The following NHERF1 variants were observed in gnomAD, a reference collection of about 807,000 sequenced individuals.
NHERF1 encodes NHERF family PDZ scaffold protein 1, also known as Na(+)/H(+) exchange regulatory cofactor NHE-RF1.
the NHERF1 span, among the ~76,000 whole-genome samples, chr17:74,750,073 G>A: frequency 4.0e-4 from 61 of 152,328 alleles, no homozygotes; most frequent in African/African-American, 1.4e-3. Context: ...CCATGGGGAG[G>A]AGAGAGAGCT....
At chr17:74,768,097 A>AC in the NHERF1 span, 1 of 1,252,944 alleles carries the variant, frequency 8.0e-7, no homozygotes, top group Non-Finnish European at 1.2e-6. Context: ...CCTCCTCAGG[A>AC]CCCCCTCACC....
chr17:74,754,018 G>T, the NHERF1 span, among the ~76,000 whole-genome samples: 1 of 152,054 alleles, frequency 6.6e-6, no homozygotes, highest in East Asian at 1.9e-4. Context: ...ACAAAAATTA[G>T]CGAGGCGTGG....
the NHERF1 span, among the ~76,000 whole-genome samples, chr17:74,764,963 G>A: frequency 1.6e-4 from 24 of 152,188 alleles, no homozygotes; most frequent in Non-Finnish European, 3.1e-4. The surrounding 1 kb of genome is among the most constrained non-coding windows in gnomAD (Gnocchi z 4.9). Flanking sequence ...ATCTCTGGCT[G>A]TGTCCTGGAC....
the NHERF1 span, among the ~76,000 whole-genome samples, chr17:74,749,680 G>A: frequency 6.6e-6 from 1 of 152,162 alleles, no homozygotes; most frequent in Non-Finnish European, 1.5e-5. The surrounding 1 kb of genome is among the most constrained non-coding windows in gnomAD (Gnocchi z 5.6). Context: ...GTCCGCAGAT[G>A]GGCCGGGGAG....
chr17:74,762,194 C>G, the NHERF1 span: 1 of 1,613,112 alleles, frequency 6.2e-7, no homozygotes, highest in Non-Finnish European at 8.5e-7. This position sits in a 1 kb window ranked among gnomAD's most constrained non-coding sequence, Gnocchi z 4.2. Context: ...TCGCTCTCTT[C>G]CTATCTGACT....
chr17:74,769,109 ATTTGATT>A, the NHERF1 span: 1 of 177,656 alleles, frequency 5.6e-6, no homozygotes, highest in Non-Finnish European at 1.2e-5. Flanking sequence ...TCTTGTTTTC[ATTTGATT>A]TTTGTTAAGA....
chr17:74,761,856 T>G, the NHERF1 span: 5 of 722,176 alleles, frequency 6.9e-6, no homozygotes, highest in Non-Finnish European at 1.2e-5. This position sits in a 1 kb window ranked among gnomAD's most constrained non-coding sequence, Gnocchi z 4.3. Flanking sequence ...TTTTGAGTCC[T>G]GGGCCAGAAC....
the NHERF1 span, among the ~76,000 whole-genome samples, chr17:74,749,530 G>A: frequency 6.6e-6 from 1 of 152,220 alleles, no homozygotes; most frequent in African/African-American, 2.4e-5. The surrounding 1 kb of genome is among the most constrained non-coding windows in gnomAD (Gnocchi z 5.6). Context: ...TTTGCCGCCT[G>A]CACCTCTTGT....
the NHERF1 span, among the ~76,000 whole-genome samples, chr17:74,760,794 G>A: frequency 3.9e-5 from 6 of 152,222 alleles, no homozygotes; most frequent in East Asian, 1.9e-4. The surrounding 1 kb of genome is among the most constrained non-coding windows in gnomAD (Gnocchi z 4.5). Flanking sequence ...CTGGGCCTCA[G>A]CAACCCTGGG....
the NHERF1 span, among the ~76,000 whole-genome samples, chr17:74,761,372 C>T: frequency 8.5e-3 from 1,298 of 152,320 alleles, 11 homozygotes; most frequent in African/African-American, 0.029. This position sits in a 1 kb window ranked among gnomAD's most constrained non-coding sequence, Gnocchi z 4.3. Context: ...TCCAGGTCCC[C>T]TTGCTGTGCT....
At chr17:74,765,978 A>G in the NHERF1 span, among the ~76,000 whole-genome samples, 1 of 152,126 alleles carries the variant, frequency 6.6e-6, no homozygotes, top group East Asian at 1.9e-4. Context: ...ACTAAACCAG[A>G]ATCTGTGCTG....
At chr17:74,752,357 C>G in the NHERF1 span, among the ~76,000 whole-genome samples, 1 of 151,954 alleles carries the variant, frequency 6.6e-6, no homozygotes, top group Admixed American at 6.5e-5. Context: ...CACTGCCTCC[C>G]TACCCCCAAA....
the NHERF1 span, chr17:74,763,398 A>T: frequency 6.2e-7 from 1 of 1,614,142 alleles, no homozygotes; most frequent in South Asian, 1.1e-5. Context: ...GGGAAGCAGC[A>T]TGGGGACGTG....
the NHERF1 span, chr17:74,763,159 G>A: frequency 1.9e-6 from 1 of 537,144 alleles, no homozygotes; most frequent in Non-Finnish European, 3.3e-6. Flanking sequence ...CCCTTCCCAT[G>A]TATCCTGCCT....
chr17:74,765,577 A>G, the NHERF1 span, among the ~76,000 whole-genome samples: 1 of 140,210 alleles, frequency 7.1e-6, no homozygotes, highest in African/African-American at 2.7e-5. Context: ...TTTTTTCCGG[A>G]CACAGTCTCT....
the NHERF1 span, among the ~76,000 whole-genome samples, chr17:74,761,332 C>G: frequency 6.6e-6 from 1 of 152,138 alleles, no homozygotes; most frequent in African/African-American, 2.4e-5. The surrounding 1 kb of genome is among the most constrained non-coding windows in gnomAD (Gnocchi z 4.3). Flanking sequence ...GGGAGGAGGT[C>G]CTGGAACGCC....
the NHERF1 span, among the ~76,000 whole-genome samples, chr17:74,753,668 C>A: frequency 6.7e-6 from 1 of 149,314 alleles, no homozygotes; most frequent in Non-Finnish European, 1.5e-5. Flanking sequence ...GCGGGAGGAT[C>A]GCTTAAGCCC....
chr17:74,750,434 G>A, the NHERF1 span, among the ~76,000 whole-genome samples: 1 of 152,294 alleles, frequency 6.6e-6, no homozygotes, highest in East Asian at 1.9e-4. Flanking sequence ...CAGAGAAAGG[G>A]CACAGTTCGG....
chr17:74,749,214 C>T, the NHERF1 span: 3 of 1,524,546 alleles, frequency 2.0e-6, no homozygotes, highest in African/African-American at 1.4e-5. This position sits in a 1 kb window ranked among gnomAD's most constrained non-coding sequence, Gnocchi z 5.6. Context: ...GCCGAGCCGC[C>T]GGCCGCCGCC....
Sources: allele counts gnomAD v4.1 joint callset (sites outside exome capture counted in the v4.1 genomes callset), GRCh38; gene constraint gnomAD v4.1.1; non-coding constraint Gnocchi (gnomAD v3.1); transcripts MANE v1.5; gene names NCBI Gene and HGNC (gene_info 2026-07-23, HGNC 2026-07-21).